Variants in LRCH3 observed in about 807,000 individuals in gnomAD.
The protein encoded by LRCH3 is DISP complex protein LRCH3.
Under a neutral mutation model 104.5 loss-of-function variants are expected in LRCH3, and 68 were observed. The ratio of observed to expected loss-of-function variants is 0.65; its 90% CI spans 0.54 to 0.80. The LOEUF (loss-of-function observed/expected upper bound fraction) is 0.80. LRCH3 is among the 30% of genes least tolerant of loss of function. LRCH3 has a pLI of 0.00. For missense variants in LRCH3, 951 were observed against 953.9 expected, an observed-to-expected ratio of 1.00 and a Z score of 0.04; for synonymous variants, 344 against 361.3, an observed-to-expected ratio of 0.95 and a Z score of 0.54.
chr3:197,805,144 T>C (rs1168590062), intron 1 of LRCH3, among the ~76,000 whole-genome samples: 1 of 152,224 alleles, frequency 6.6e-6, no homozygotes, highest in East Asian at 1.9e-4. Context: ...CTACCCGCCT[T>C]GGCCTCCCAA....
chr3:197,871,345 A>G lies in LRCH3; in HGVS notation c.2013A>G (p.Lys671=). 6.2e-7 allele frequency: 1 copy of G among 1,613,686 alleles called. No homozygotes were observed. Among genetic ancestry groups the G allele is most frequent in the East Asian group, 2.2e-5 (1 of 44,868 alleles). The change falls in exon 19 of 21, where the codon AAA becomes AAG. Residue 671 remains lysine (K), a synonymous_variant. Transcript: ENST00000425562. ...TTCAGCATATTGAGTACCGGTTGAA[A>G]GTGTCTCTACCTTGTGATCTCGGAG... ...QLRKHIEYRL[K]VSLPCDLGAA... is the part of the protein sequence containing the mutation.
rs1158979504 is a variant in LRCH3, at chr3:197,887,915, T to G, written c.*4249T>G. ...CCCAGTATTTCAGACTCATAATCTG[T>G]GTTTAGCACTCCAGTGTTCTCTTGT... On this transcript the variant is annotated 3_prime_UTR_variant, in exon 21 of 21. Coordinates refer to ENST00000425562, the MANE Select transcript of LRCH3 (RefSeq NM_001365715.1). 1.3e-5 allele frequency: 2 copies of G among 152,792 alleles called. No homozygotes were observed. Among genetic ancestry groups the G allele is most frequent in the Non-Finnish European group, 2.9e-5 (2 of 68,274 alleles). 9.5% of individuals were successfully genotyped at this position (152,792 alleles called of 1,614,324 possible).
At chr3:197,870,043 C>A (rs1373219236) in intron 17 of LRCH3, 117 bp from the exon 18 acceptor site, 1 of 1,006,074 alleles carries the variant, frequency 9.9e-7, no homozygotes, top group East Asian at 2.4e-5. Context: ...TGCACTGTAC[C>A]TGCAGGAGGT....
At chr3:197,838,192 G>C (rs1241021806) in intron 9 of LRCH3, among the ~76,000 whole-genome samples, 2 of 152,248 alleles carry the variant, frequency 1.3e-5, no homozygotes, top group Non-Finnish European at 2.9e-5. Context: ...GGCTGAAGTA[G>C]GAAGACTGCT....
intron 11 of LRCH3, 80 bp from the exon 12 acceptor site, chr3:197,847,792 A>G: frequency 6.9e-7 from 1 of 1,450,250 alleles, no homozygotes; most frequent in Non-Finnish European, 9.5e-7. Flanking sequence ...GGTCAACAGT[A>G]GTTCCCTAAA....
At chr3:197,816,549 G>T (rs1447290760) in intron 2 of LRCH3, among the ~76,000 whole-genome samples, 1 of 152,134 alleles carries the variant, frequency 6.6e-6, no homozygotes, top group East Asian at 1.9e-4. Context: ...CAGAGTGCTG[G>T]GATTACAGAC....
intron 9 of LRCH3, among the ~76,000 whole-genome samples, chr3:197,838,824 C>T (rs1006556270): frequency 1.3e-5 from 2 of 152,138 alleles, no homozygotes; most frequent in African/African-American, 4.8e-5. Flanking sequence ...TTCACCGACA[C>T]ACTCAAGACT....
In LRCH3 at chr3:197,887,742, GC is replaced by G. The variant is rs1375529750; in HGVS notation, c.*4082del. ...TCACTGACAGTGTCTGGGGCTGAGA[GC>G]CCCCCAGCAGAGCCCTTCCCATCAC... is the stretch of plus-strand genomic sequence containing the variant. On this transcript the variant is annotated 3_prime_UTR_variant, in exon 21 of 21. Coordinates refer to ENST00000425562, the MANE Select transcript of LRCH3 (RefSeq NM_001365715.1). 13 of 132,606 alleles carry G rather than the reference GC, an allele frequency of 9.8e-5. No individual in the cohort carries two copies. The highest frequency in any genetic ancestry group is 6.6e-4 in the Admixed American group (9 of 13,670). 8.2% of individuals were successfully genotyped at this position (132,606 alleles called of 1,614,324 possible).
chr3:197,800,607 C>T (rs1341426886), intron 1 of LRCH3, among the ~76,000 whole-genome samples: 3 of 152,138 alleles, frequency 2.0e-5, no homozygotes, highest in East Asian at 1.9e-4. Context: ...TGCTCTGGAA[C>T]GATCCAGGAA....
At chr3:197,836,425 T>C (rs1172834313) in intron 9 of LRCH3, among the ~76,000 whole-genome samples, 1 of 145,486 alleles carries the variant, frequency 6.9e-6, no homozygotes, top group Non-Finnish European at 1.5e-5. Flanking sequence ...GGGTCTCAGA[T>C]AGAATAGCAT....
In LRCH3 at chr3:197,884,820, C is replaced by G. The variant is rs1174930673; in HGVS notation, c.*1154C>G. ...AAGAGTTGGGGTCTTGCCGTATTGC[C>G]CAGGCTGGTCTGAAACTCCTGGGCT... On this transcript the variant is annotated 3_prime_UTR_variant, in exon 21 of 21. Coordinates refer to ENST00000425562, the MANE Select transcript of LRCH3 (RefSeq NM_001365715.1). 1 of 151,998 alleles carries G rather than the reference C, an allele frequency of 6.6e-6. No individual in the cohort carries two copies. The highest frequency in any genetic ancestry group is 1.5e-5 in the Non-Finnish European group (1 of 68,034). 9.4% of individuals were successfully genotyped at this position (151,998 alleles called of 1,614,324 possible).
intron 1 of LRCH3, among the ~76,000 whole-genome samples, chr3:197,792,600 T>TACATATATATATAATATAC (rs1560511314): frequency 1.1e-4 from 9 of 79,486 alleles, no homozygotes; most frequent in African/African-American, 3.7e-4. Context: ...TATATATATA[T>TACATATATATATAATATAC]ATATAAAATA....
rs751213267 is a variant in LRCH3 at position 197,832,320 on chromosome 3, A to G, written c.1102+3A>G. 3.7e-6 allele frequency: 6 copies of G among 1,613,078 alleles called. No homozygotes were observed. Among genetic ancestry groups the G allele is most frequent in the Non-Finnish European group, 5.1e-6 (6 of 1,179,300 alleles). ...TTTGGTAGTAACAAACGGCGGAGGTAAACATAATTCCGGTGACAGCTAAAG... is the reference window on the plus strand; with the variant it reads ...TTTGGTAGTAACAAACGGCGGAGGTGAACATAATTCCGGTGACAGCTAAAG... On this transcript the variant is annotated splice_donor_region_variant and intron_variant, in intron 8 of 20. Transcript: ENST00000425562.
rs1280142869 is a variant in LRCH3 at position 197,810,343 on chromosome 3, G to T, written c.263-4565G>T. Among the ~76,000 whole-genome samples, 1 of 152,048 alleles carries T rather than the reference G, an allele frequency of 6.6e-6. No individual in the cohort carries two copies. Among genetic ancestry groups the T allele is most frequent in the Non-Finnish European group, 1.5e-5 (1 of 68,020 alleles). On this transcript the variant is annotated intron_variant, in intron 1 of 20. Coordinates refer to ENST00000425562, the MANE Select transcript of LRCH3 (RefSeq NM_001365715.1). This position sits in a 1 kb window ranked among gnomAD's most constrained non-coding sequence, Gnocchi z 4.0. The stretch of plus-strand genomic sequence containing the variant: ...AGCTTATTTTTGTATTTTAGAAATG[G>T]GGTTTCACCATGTTGGCCAGGCTGG...
intron 20 of LRCH3, chr3:197,882,350 G>A (rs1169163843): frequency 2.1e-5 from 21 of 985,128 alleles, no homozygotes; most frequent in Non-Finnish European, 2.4e-5. Context: ...TTTCTACAAA[G>A]TTGCTAGTTT....
At chr3:197,818,385 A>G (rs936176371) in intron 3 of LRCH3, among the ~76,000 whole-genome samples, 1 of 152,244 alleles carries the variant, frequency 6.6e-6, no homozygotes, top group South Asian at 2.1e-4. Flanking sequence ...AAATACAATT[A>G]TGTCCATTAG....
intron 20 of LRCH3, chr3:197,882,045 C>CA: frequency 1.0e-6 from 1 of 985,404 alleles, no homozygotes; most frequent in South Asian, 4.7e-5. Context: ...TAAGATGTCT[C>CA]AGAGTTGAAA....
chr3:197,839,101 TATAAA>T (rs1368845039), intron 9 of LRCH3, among the ~76,000 whole-genome samples: 4 of 152,354 alleles, frequency 2.6e-5, no homozygotes, highest in South Asian at 2.1e-4. Flanking sequence ...TCTACTTTCT[TATAAA>T]ATAAAATAAA....
In LRCH3 at chr3:197,866,093, A is replaced by C. The variant is rs1370471478; in HGVS notation, c.1766-19A>C. 2 of 1,558,248 alleles carry C rather than the reference A, an allele frequency of 1.3e-6. No individual in the cohort carries two copies. Among genetic ancestry groups the C allele is most frequent in the Admixed American group, 3.3e-5 (2 of 59,838 alleles). On this transcript the variant is annotated intron_variant, in intron 16 of 20. Coordinates refer to ENST00000425562, the MANE Select transcript of LRCH3 (RefSeq NM_001365715.1). ...TTTTCATCTCCTTTAATCTCATTTTATTTTTCATGCTAATTTAGTTCATCA... is the reference window on the plus strand; with the variant it reads ...TTTTCATCTCCTTTAATCTCATTTTCTTTTTCATGCTAATTTAGTTCATCA...
Sources: allele counts gnomAD v4.1 joint callset (sites outside exome capture counted in the v4.1 genomes callset), GRCh38; gene constraint gnomAD v4.1.1; non-coding constraint Gnocchi (gnomAD v3.1); transcripts MANE v1.5; gene names NCBI Gene and HGNC (gene_info 2026-07-23, HGNC 2026-07-21).